Variants in PNPLA6 observed in about 807,000 individuals in gnomAD.
PNPLA6 encodes patatin-like phospholipase domain-containing protein 6.
PNPLA6 carries 105 observed loss-of-function variants against 153.7 expected under a neutral mutation model. That is an observed-to-expected ratio of 0.68 (90% CI 0.58 to 0.80). The LOEUF (loss-of-function observed/expected upper bound fraction) is 0.80. PNPLA6 is among the 30% of genes least tolerant of loss of function. PNPLA6 has a pLI of 0.00. For synonymous variants in PNPLA6, 825 were observed against 822.2 expected, an observed-to-expected ratio of 1.00 and a Z score of -0.06; for missense variants, 1,423 against 1,919.3, an observed-to-expected ratio of 0.74 and a Z score of 4.83.
intron 13 of PNPLA6, among the ~76,000 whole-genome samples, chr19:7,544,268 C>G (rs568874677): frequency 5.9e-5 from 9 of 152,098 alleles, no homozygotes; most frequent in African/African-American, 2.2e-4. Flanking sequence ...TGTGCCACCA[C>G]GCCTGGCTAC....
At position 7,554,215 on chromosome 19, in the gene PNPLA6, C is replaced by T. The variant is rs374789348; in HGVS notation, c.2408C>T (p.Thr803Met). The change falls in exon 20 of 32, where the codon ACG (threonine) becomes ATG (methionine). Residue 803 changes from threonine to methionine, a missense_variant. Physicochemically the swap from Thr to Met is moderately conservative, Grantham distance 81. This residue lies in a region of PNPLA6 where 643 missense variants were observed against 835.2 expected (regional missense o/e 0.77). Transcript: ENST00000600737. ...LQHALQAIGP[T>M]LLLNSDIIRA... ...CTTCCCCACCTACCCCTAGGTCCGA[C>T]GCTACTCCTTAACAGTGACATCATC... The T allele has an allele frequency of 1.8e-5, 29 of 1,614,012 alleles. No individual in the cohort carries two copies. Among genetic ancestry groups the T allele is most frequent in the East Asian group, 4.5e-5 (2 of 44,892 alleles).
chr19:7,560,186 A>AT (rs1230887920), intron 28 of PNPLA6, among the ~76,000 whole-genome samples: 1 of 152,108 alleles, frequency 6.6e-6, no homozygotes, highest in Non-Finnish European at 1.5e-5. Context: ...AATAATAAAA[A>AT]TTTTTTTAAA....
Position 7,541,545 on chromosome 19 carries a change from C to T in PNPLA6, c.1029C>T (p.Phe343=). ...AGGAGATCCAGCCCCTGCGTCTGTT[C>T]CCCAGCCCCGGCCTCCCAACTCGCA... ...FSHEIQPLRL[F]PSPGLPTRTS... is the part of the protein sequence containing the mutation. The change falls in exon 9 of 32, where the codon TTC becomes TTT. Residue 343 remains phenylalanine, a synonymous_variant. Coordinates refer to ENST00000600737, the MANE Select transcript of PNPLA6 (RefSeq NM_001166114.2). This position sits in a 1 kb window ranked among gnomAD's most constrained non-coding sequence, Gnocchi z 5.2. The T allele has an allele frequency of 6.2e-7, 1 of 1,604,918 alleles. No individual in the cohort carries two copies. Among genetic ancestry groups the T allele is most frequent in the Non-Finnish European group, 8.5e-7 (1 of 1,176,004 alleles).
rs764082245 is a variant in PNPLA6 at position 7,557,290 on chromosome 19, T to C, written c.3397+6T>C. Reference sequence around the variant, plus strand: ...CTACATCAACAATCTGCCAGGCAAGTGGCCGCCCGCACCACCCGCACACGC... The same window carrying C: ...CTACATCAACAATCTGCCAGGCAAGCGGCCGCCCGCACCACCCGCACACGC... On this transcript the variant is annotated splice_donor_region_variant and intron_variant, in intron 27 of 31. Coordinates refer to ENST00000600737, the MANE Select transcript of PNPLA6 (RefSeq NM_001166114.2). 3.2e-5 allele frequency: 51 copies of C among 1,576,182 alleles called. No homozygotes were observed. In the African/African-American group the frequency reaches 6.3e-4, roughly 20 times the overall value.
At position 7,561,595 on chromosome 19, in the gene PNPLA6, C is replaced by G; in HGVS notation, c.*33C>G. 2 of 1,482,826 alleles carry G rather than the reference C, an allele frequency of 1.3e-6. No homozygotes were observed. Among genetic ancestry groups the G allele is most frequent in the South Asian group, 1.2e-5 (1 of 83,414 alleles). 91.9% of individuals were successfully genotyped at this position (1,482,826 alleles called of 1,614,324 possible). On this transcript the variant is annotated 3_prime_UTR_variant, in exon 32 of 32. Transcript: ENST00000600737. ...GACAGGGGTCACCCCCTCCCTCCCA[C>G]CCCTGGACTGGGCTGGGGGTGGCCC... is the stretch of plus-strand genomic sequence containing the variant.
chr19:7,555,514 T>G lies in PNPLA6; in HGVS notation c.2937-93T>G. Reference sequence around the variant, plus strand: ...CCCGTGGGTAGGGGCGGGTCCTTTGTTCCTTAGCAGTGCGGGAGGTGGGAG... The same window carrying G: ...CCCGTGGGTAGGGGCGGGTCCTTTGGTCCTTAGCAGTGCGGGAGGTGGGAG... On this transcript the variant is annotated intron_variant, in intron 23 of 31. Coordinates refer to ENST00000600737, the MANE Select transcript of PNPLA6 (RefSeq NM_001166114.2). The surrounding 1 kb of genome is among the most constrained non-coding windows in gnomAD (Gnocchi z 6.3). The G allele has an allele frequency of 6.8e-7, 1 of 1,474,828 alleles. No homozygotes were observed. The allele number at this position is 1,474,828 out of a possible 1,614,324, so 91.4% of individuals were successfully genotyped here.
chr19:7,556,937 G>T, intron 26 of PNPLA6: 1 of 685,914 alleles, frequency 1.5e-6, no homozygotes, highest in Non-Finnish European at 2.6e-6. Flanking sequence ...CTCGTCGGAC[G>T]CCTTACCCCC....
chr19:7,550,668 C>A, intron 16 of PNPLA6, 28 bp downstream of exon 16: 1 of 1,608,384 alleles, frequency 6.2e-7, no homozygotes. Flanking sequence ...CCACTGACCT[C>A]TGGCCTTTTC....
intron 11 of PNPLA6, 29 bp downstream of exon 11, chr19:7,542,699 G>A (rs779471289): frequency 6.2e-7 from 1 of 1,612,104 alleles, no homozygotes; most frequent in Non-Finnish European, 8.5e-7. Flanking sequence ...CCCGGTGGTG[G>A]AGCCCGCAGG....
Position 7,541,825 on chromosome 19 carries a change from G to C in PNPLA6, c.1168+141G>C, listed in dbSNP as rs1283429051. On this transcript the variant is annotated intron_variant, in intron 9 of 31. Transcript: ENST00000600737. This position sits in a 1 kb window ranked among gnomAD's most constrained non-coding sequence, Gnocchi z 5.2. Reference sequence around the variant, plus strand: ...ACTCCATAGCGGGGTACCCAGGTCTGACTCCTATCTGGTACCGAGGAAGCT... The same window carrying C: ...ACTCCATAGCGGGGTACCCAGGTCTCACTCCTATCTGGTACCGAGGAAGCT... 1.2e-5 allele frequency: 13 copies of C among 1,130,284 alleles called. No homozygotes were observed. The highest frequency in any genetic ancestry group is 1.7e-5 in the Non-Finnish European group (13 of 776,844). The allele number at this position is 1,130,284 out of a possible 1,614,324, so 70.0% of individuals were successfully genotyped here.
Position 7,541,741 on chromosome 19 carries a change from C to T in PNPLA6, c.1168+57C>T, listed in dbSNP as rs563908432. On this transcript the variant is annotated intron_variant, in intron 9 of 31. Coordinates refer to ENST00000600737, the MANE Select transcript of PNPLA6 (RefSeq NM_001166114.2). The surrounding 1 kb of genome is among the most constrained non-coding windows in gnomAD (Gnocchi z 5.2). Reference sequence around the variant, plus strand: ...ATCTCCCAGGAAGCCCCGTCTCAGCCGCCAGCCCCTTTTTCAGTTCTGCAT... The same window carrying T: ...ATCTCCCAGGAAGCCCCGTCTCAGCTGCCAGCCCCTTTTTCAGTTCTGCAT... 4.7e-5 allele frequency: 72 copies of T among 1,521,438 alleles called. No homozygotes were observed. In the Admixed American group the frequency reaches 9.8e-4, roughly 21 times the overall value. The allele number at this position is 1,521,438 out of a possible 1,614,324, so 94.2% of individuals were successfully genotyped here.
In PNPLA6 at chr19:7,561,191, C is replaced by T. The variant is rs2146123433; in HGVS notation, c.3914-17C>T. On this transcript the variant is annotated splice_polypyrimidine_tract_variant and intron_variant, in intron 30 of 31. Coordinates refer to ENST00000600737, the MANE Select transcript of PNPLA6 (RefSeq NM_001166114.2). Reference sequence around the variant, plus strand: ...CAGCCCCAATCCCCTCACCTGTGCCCTGCTCCCCGATTCCAGGAGAGGAGT... The same window carrying T: ...CAGCCCCAATCCCCTCACCTGTGCCTTGCTCCCCGATTCCAGGAGAGGAGT... 1 of 1,599,612 alleles carries T rather than the reference C, an allele frequency of 6.3e-7. No homozygotes were observed. Among genetic ancestry groups the T allele is most frequent in the Non-Finnish European group, 8.5e-7 (1 of 1,171,952 alleles).
Position 7,553,836 on chromosome 19 carries a change from G to A in PNPLA6, c.2261-39G>A, listed in dbSNP as rs778710458. ...AGGAGGGTTCATCTCTCTGGACACAGGTTCGCACCACAAATCTCATCCATT... is the reference window on the plus strand; with the variant it reads ...AGGAGGGTTCATCTCTCTGGACACAAGTTCGCACCACAAATCTCATCCATT... On this transcript the variant is annotated intron_variant, in intron 18 of 31. Transcript: ENST00000600737. The A allele has an allele frequency of 1.5e-5, 24 of 1,613,898 alleles. No individual in the cohort carries two copies. The Admixed American group carries it at 4.0e-4, about 27-fold the overall frequency.
intron 3 of PNPLA6, among the ~76,000 whole-genome samples, chr19:7,538,377 C>G (rs1488184854): frequency 6.6e-6 from 1 of 151,984 alleles, no homozygotes; most frequent in Non-Finnish European, 1.5e-5. Flanking sequence ...AGATGGGAGT[C>G]TCACTGTGTT....
At position 7,542,660 on chromosome 19, in the gene PNPLA6, C is replaced by T; in HGVS notation, c.1352C>T (p.Ala451Val). The T allele has an allele frequency of 1.2e-6, 2 of 1,612,770 alleles. No homozygotes were observed. The highest frequency in any genetic ancestry group is 1.1e-5 in the South Asian group (1 of 91,058). Residue 451 changes from alanine to valine, a missense_variant, in exon 11 of 32, where the codon GCC (alanine) becomes GTC (valine). Physicochemically the swap from Ala to Val is moderately conservative, Grantham distance 64 (BLOSUM62 0). Around this residue, in one of 10 missense-constraint regions of PNPLA6, gnomAD observed 267 missense variants for 255.1 expected, o/e 1.05. Coordinates refer to ENST00000600737, the MANE Select transcript of PNPLA6 (RefSeq NM_001166114.2). ...GAGGCCTCCGGGGGGTCCCTGGCAG[C>T]CCCCGCTCGGGTAAGGCTTGGGACC... ...QEEASGGSLA[A>V]PARTPTQEPR...
rs2022933713 is a variant in PNPLA6, at chr19:7,537,539, C to CCTGT, written c.413+993_413+994insCTGT. On this transcript the variant is annotated intron_variant, in intron 3 of 31. Coordinates refer to ENST00000600737, the MANE Select transcript of PNPLA6 (RefSeq NM_001166114.2). ...GGGTGCTGGCTCTGGGATCCCTGTG[C>CCTGT]GTCATGTAGTCTACCTGGAGGTCTG... is the stretch of plus-strand genomic sequence containing the variant. Among the ~76,000 whole-genome samples the CCTGT allele has an allele frequency of 1.3e-5, 2 of 152,176 alleles. 1 individual carries two copies. Among genetic ancestry groups the CCTGT allele is most frequent in the South Asian group, 4.1e-4 (2 of 4,834 alleles).
At chr19:7,549,487 T>C (rs1410354174) in intron 13 of PNPLA6, among the ~76,000 whole-genome samples, 15 of 52,300 alleles carry the variant, frequency 2.9e-4, no homozygotes, top group African/African-American at 9.8e-4. Flanking sequence ...CGCCTGGCCT[T>C]CTTCTTCTTT....
At chr19:7,554,849 T>C in intron 21 of PNPLA6, 44 bp from the exon 22 acceptor site, 1 of 1,569,174 alleles carries the variant, frequency 6.4e-7, no homozygotes, top group Non-Finnish European at 8.6e-7. Flanking sequence ...TGTGGCCAGG[T>C]GGTGGTGGGG....
chr19:7,560,764 C>T lies in PNPLA6; in HGVS notation c.3816C>T (p.Asp1272=), dbSNP rs531640488. The T allele has an allele frequency of 1.8e-5, 28 of 1,590,156 alleles. No individual in the cohort carries two copies. Among genetic ancestry groups the T allele is most frequent in the East Asian group, 4.5e-5 (2 of 44,778 alleles). The change falls in exon 29 of 32, where the codon GAC becomes GAT. Residue 1272 remains aspartate (D), a splice_region_variant and synonymous_variant. Coordinates refer to ENST00000600737, the MANE Select transcript of PNPLA6 (RefSeq NM_001166114.2). ...STDLNESRRA[D]VLAFPSSGFT... ...ACCTTAATGAGAGCCGCCGTGCAGA[C>T]GTAAGCCTGTGATGCCCCCAGGGCC...
Sources: gnomAD v4.1 joint callset for allele counts (sites outside exome capture counted in the v4.1 genomes callset) on GRCh38, gnomAD v4.1.1 for gene constraint, gnomAD v4.1.1 regional missense constraint, Gnocchi (gnomAD v3.1) non-coding constraint, MANE v1.5 for transcripts, NCBI Gene and HGNC (gene_info 2026-07-23, HGNC 2026-07-21) for gene names.